The following DNAH5 variants were observed in gnomAD, a reference collection of about 807,000 sequenced individuals.
DNAH5 encodes the protein dynein axonemal heavy chain 5.
DNAH5 carries 372 observed loss-of-function variants against 518.2 expected under a neutral mutation model. The observed-to-expected ratio is 0.72, with a 90% CI of 0.66 to 0.78. The LOEUF (loss-of-function observed/expected upper bound fraction) is 0.78, where lower values mean the gene tolerates loss of function less well. Among genes scored for constraint, DNAH5 ranks in the 30% least tolerant of loss-of-function variants. The probability of loss-of-function intolerance (pLI) is 0.00; values close to 1 mark genes in which losing one functional copy is unlikely to be tolerated. For synonymous variants in DNAH5, 2,039 were observed against 2,025.9 expected (o/e 1.01, Z -0.17); for missense variants, 5,523 against 5,687.0 (o/e 0.97, Z 0.93).
chr5:13,904,717 C>G (rs911720813), intron 12 of DNAH5, among the ~76,000 whole-genome samples: 2 of 152,032 alleles, frequency 1.3e-5, no homozygotes, highest in African/African-American at 4.8e-5. Flanking sequence ...TTGAAACCAG[C>G]CTGGGCAACA....
chr5:13,977,740 T>G (rs2152063507), intron 1 of DNAH5, among the ~76,000 whole-genome samples: 2 of 152,156 alleles, frequency 1.3e-5, no homozygotes, highest in East Asian at 3.9e-4. Flanking sequence ...CCAAATGGGA[T>G]CCAACTGTAC....
intron 16 of DNAH5, among the ~76,000 whole-genome samples, chr5:13,892,992 C>T (rs1423770211): frequency 6.6e-6 from 1 of 152,170 alleles, no homozygotes; most frequent in Non-Finnish European, 1.5e-5. Context: ...ATCTATAATG[C>T]ATAACAAAGG....
chr5:13,894,663 A>G lies in DNAH5; in HGVS notation c.2418T>C (p.Thr806=). Residue 806 remains threonine (T), a synonymous_variant, in exon 16 of 79, where the codon ACT becomes ACC. Coordinates refer to ENST00000265104, the MANE Select transcript of DNAH5 (RefSeq NM_001369.3). The part of the protein sequence containing the change: ...SLNIEAYLEN[T]FAKIKDLELL... ...AGGCAGACTTACTGATCTTTGCAAA[A>G]GTGTTTTCTAAATAAGCCTCAATAT... 1.2e-6 allele frequency: 2 copies of G among 1,614,030 alleles called. No individual in the cohort carries two copies. Among genetic ancestry groups the G allele is most frequent in the Non-Finnish European group, 1.7e-6 (2 of 1,179,898 alleles).
chr5:13,997,058 G>C (rs1225608652), intron 1 of DNAH5, among the ~76,000 whole-genome samples: 1 of 152,222 alleles, frequency 6.6e-6, no homozygotes, highest in East Asian at 1.9e-4. Flanking sequence ...GGTGCCTGCA[G>C]AGTTAGCATC....
chr5:13,884,710 G>A (rs930619921), intron 19 of DNAH5, among the ~76,000 whole-genome samples: 61 of 152,306 alleles, frequency 4.0e-4, no homozygotes, highest in African/African-American at 1.2e-3. Context: ...GGCGGCGTGC[G>A]CCTATAGTCC....
intron 30 of DNAH5, among the ~76,000 whole-genome samples, chr5:13,853,798 T>G (rs1422277239): frequency 6.6e-6 from 1 of 151,552 alleles, no homozygotes; most frequent in Admixed American, 6.6e-5. Context: ...TGTAATGAAA[T>G]AAAGCGTGAA....
At position 13,901,740 on chromosome 5, in the gene DNAH5, C is replaced by T. The variant is rs149139577; in HGVS notation, c.1731-167G>A. On this transcript the variant is annotated intron_variant, in intron 13 of 78. Coordinates refer to ENST00000265104, the MANE Select transcript of DNAH5 (RefSeq NM_001369.3). ...TTAAAAGAATAAAAATAAAACTCATCCATAAAATGTAGGCAAAACTATTAA... is the reference window on the plus strand; with the variant it reads ...TTAAAAGAATAAAAATAAAACTCATTCATAAAATGTAGGCAAAACTATTAA... Among the ~76,000 whole-genome samples the T allele has an allele frequency of 2.9e-3, 444 of 151,986 alleles. 5 individuals carry two copies. The highest frequency in any genetic ancestry group is 0.01 in the African/African-American group (418 of 41,470).
chr5:13,770,377 C>T (rs1030259933), intron 56 of DNAH5, among the ~76,000 whole-genome samples: 1 of 152,180 alleles, frequency 6.6e-6, no homozygotes, highest in Admixed American at 6.5e-5. Flanking sequence ...AACTCCCGTC[C>T]AGGTCTATTA....
At chr5:13,771,461 T>G (rs1001178351) in intron 55 of DNAH5, among the ~76,000 whole-genome samples, 3 of 152,172 alleles carry the variant, frequency 2.0e-5, no homozygotes, top group African/African-American at 7.2e-5. Flanking sequence ...TATGCTGGAG[T>G]CATCTTGTTC....
chr5:13,926,542 A>C (rs1213177633), intron 3 of DNAH5, among the ~76,000 whole-genome samples: 1 of 152,192 alleles, frequency 6.6e-6, no homozygotes, highest in Admixed American at 6.5e-5. Context: ...TTCAAGGATG[A>C]GGAGGGAAGA....
intron 16 of DNAH5, among the ~76,000 whole-genome samples, chr5:13,892,630 C>A (rs972167149): frequency 6.6e-6 from 1 of 152,184 alleles, no homozygotes; most frequent in Non-Finnish European, 1.5e-5. Flanking sequence ...CTCCAGCTAA[C>A]AATCTAATAA....
chr5:13,900,644 C>CT (rs1370766094), intron 14 of DNAH5: 13 of 558,560 alleles, frequency 2.3e-5, no homozygotes, highest in South Asian at 6.2e-5. Context: ...TTCAATGACT[C>CT]TAACACTGAT....
rs575617408 is a variant in DNAH5, at chr5:13,958,563, C to T, written c.13-27319G>A. On this transcript the variant is annotated intron_variant, in intron 1 of 78. Transcript: ENST00000681290. Reference sequence around the variant, plus strand: ...AATAGGTGCCTCAATATTACTCTTACATAGAGTAGAATTAAAGACAAAGGC... The same window carrying T: ...AATAGGTGCCTCAATATTACTCTTATATAGAGTAGAATTAAAGACAAAGGC... 1.8e-4 allele frequency among the ~76,000 whole-genome samples: 27 copies of T among 152,176 alleles called. No homozygotes were observed. In the South Asian group the frequency reaches 5.2e-3, roughly 29 times the overall value.
rs367816483 is a variant in DNAH5, at chr5:13,867,811, A to C, written c.4016T>G (p.Leu1339Arg). 253 of 1,614,042 alleles carry C rather than the reference A, an allele frequency of 1.6e-4. 2 individuals are homozygous for C. The Middle Eastern group carries it at 1.7e-3, about 11-fold the overall frequency. The change falls in exon 25 of 79, where the codon CTC becomes CGC. Residue 1339 changes from leucine (L) to arginine (R), a missense_variant. Leu to Arg is a moderately radical substitution (Grantham distance 102, BLOSUM62 -2). Around this residue, in one of 3 missense-constraint regions of DNAH5, gnomAD observed 5,121 missense variants for 5,223.3 expected, o/e 0.98. Transcript: ENST00000265104. Reference protein sequence around the residue: ...KELISAVEVFLQDCHQFYLDY... With the variant: ...KELISAVEVFRQDCHQFYLDY... ...CAGATAAAACTGGTGACAATCTTGGAGGAATACCTCCACAGCACTAATAAG... is the reference window on the plus strand; with the variant it reads ...CAGATAAAACTGGTGACAATCTTGGCGGAATACCTCCACAGCACTAATAAG...
At chr5:13,849,526 T>C (rs1386275164) in intron 31 of DNAH5, among the ~76,000 whole-genome samples, 1 of 152,200 alleles carries the variant, frequency 6.6e-6, no homozygotes, top group African/African-American at 2.4e-5. Context: ...TAACTTTTAT[T>C]CTATGAATCC....
intron 60 of DNAH5, among the ~76,000 whole-genome samples, chr5:13,761,454 A>G (rs1364161277): frequency 1.3e-5 from 2 of 151,912 alleles, no homozygotes; most frequent in African/African-American, 2.4e-5. Context: ...TTAGCCAGGC[A>G]TGGTGGTGGG....
intron 47 of DNAH5, among the ~76,000 whole-genome samples, chr5:13,805,646 C>A (rs1759470614): frequency 6.6e-6 from 1 of 152,288 alleles, no homozygotes; most frequent in East Asian, 1.9e-4. Flanking sequence ...GAAGGTAGCA[C>A]ATCCTGAGGA....
intron 70 of DNAH5, among the ~76,000 whole-genome samples, chr5:13,721,898 T>A (rs1228387548): frequency 1.3e-5 from 2 of 152,214 alleles, no homozygotes; most frequent in Non-Finnish European, 2.9e-5. Context: ...CTTTTTCAAA[T>A]GAGGTAAAAG....
Position 13,820,352 on chromosome 5 carries a change from T to C in DNAH5, c.6835A>G (p.Met2279Val). The C allele has an allele frequency of 1.2e-6, 2 of 1,610,246 alleles. No homozygotes were observed. Among genetic ancestry groups the C allele is most frequent in the Non-Finnish European group, 1.7e-6 (2 of 1,180,008 alleles). The change falls in exon 41 of 79, where the codon ATG becomes GTG. Residue 2279 changes from methionine to valine, a missense_variant. This residue lies in a region of DNAH5 where 5,121 missense variants were observed against 5,223.3 expected (regional missense o/e 0.98). Transcript: ENST00000265104. ...GACCTTGGCTGCCCTGTACCTGTCA[T>C]GGCTCTCATCAAGGTGTGGATGCAG... ...TTCIHTLMRA[M>V]TDCGKPHREM...
Sources: gnomAD v4.1 joint callset for allele counts (sites outside exome capture counted in the v4.1 genomes callset) on GRCh38, gnomAD v4.1.1 for gene constraint, gnomAD v4.1.1 regional missense constraint, MANE v1.5 for transcripts, NCBI Gene and HGNC (gene_info 2026-07-23, HGNC 2026-07-21) for gene names.